Variants in ERCC6L2 observed in about 807,000 individuals in gnomAD.
ERCC6L2 encodes ERCC excision repair 6 like 2.
In ERCC6L2, 77 loss-of-function variants were observed where a neutral mutation model predicts 132.0. The observed-to-expected ratio is 0.58, with a 90% confidence interval of 0.49 to 0.71. The LOEUF is 0.71. Ranked by LOEUF, ERCC6L2 falls within the 30% of genes least tolerant of loss-of-function variation. The pLI is 0.00. For missense variants in ERCC6L2, 1,542 were observed against 1,837.6 expected, an observed-to-expected ratio of 0.84 and a Z score of 2.94; for synonymous variants, 583 against 632.4, an observed-to-expected ratio of 0.92 and a Z score of 1.17.
At chr9:96,033,004 T>C (rs1834479793) in intron 19 of ERCC6L2, among the ~76,000 whole-genome samples, 1 of 152,248 alleles carries the variant, frequency 6.6e-6, no homozygotes, top group Non-Finnish European at 1.5e-5. Context: ...TAGCAGCCTG[T>C]ACCAGTGGTA....
At chr9:95,942,894 G>T (rs1286012461) in intron 12 of ERCC6L2, among the ~76,000 whole-genome samples, 2 of 152,104 alleles carry the variant, frequency 1.3e-5, no homozygotes, top group Non-Finnish European at 2.9e-5. Flanking sequence ...GTGAGAAACA[G>T]GGAGAGAATG....
chr9:95,951,345 A>T (rs1045384409), intron 12 of ERCC6L2, among the ~76,000 whole-genome samples: 1 of 152,224 alleles, frequency 6.6e-6, no homozygotes, highest in Non-Finnish European at 1.5e-5. Flanking sequence ...GTAAATGCTT[A>T]CATTAAAAAA....
At chr9:95,980,679 G>GT (rs2133117905) in intron 17 of ERCC6L2, among the ~76,000 whole-genome samples, 1 of 152,190 alleles carries the variant, frequency 6.6e-6, no homozygotes, top group African/African-American at 2.4e-5. Context: ...TTACTCAGAG[G>GT]TTTTGCAGCT....
At chr9:96,030,379 C>G (rs912530963) in intron 19 of ERCC6L2, among the ~76,000 whole-genome samples, 1 of 152,116 alleles carries the variant, frequency 6.6e-6, no homozygotes, top group Non-Finnish European at 1.5e-5. Context: ...CACAATAAAT[C>G]TTGGTGTTGC....
chr9:95,994,838 C>G (rs1452116075), intron 17 of ERCC6L2, among the ~76,000 whole-genome samples: 1 of 152,174 alleles, frequency 6.6e-6, no homozygotes, highest in African/African-American at 2.4e-5. Context: ...TTTTTTGCCT[C>G]ATTTGTTACA....
intron 12 of ERCC6L2, among the ~76,000 whole-genome samples, chr9:95,944,168 A>G (rs1001121581): frequency 6.6e-6 from 1 of 152,252 alleles, no homozygotes; most frequent in African/African-American, 2.4e-5. Context: ...CAGTTTATAC[A>G]TAAAATGGAA....
intron 12 of ERCC6L2, among the ~76,000 whole-genome samples, chr9:95,954,401 G>C (rs1831496081): frequency 6.6e-6 from 1 of 152,230 alleles, no homozygotes; most frequent in Middle Eastern, 3.4e-3. Context: ...CAATAAAACT[G>C]AATAAATGGC....
intron 9 of ERCC6L2, among the ~76,000 whole-genome samples, chr9:95,927,034 TCA>T (rs1430800458): frequency 1.3e-5 from 2 of 152,114 alleles, no homozygotes; most frequent in African/African-American, 4.8e-5. Flanking sequence ...TCATATAGAA[TCA>T]GTTATTTTAT....
intron 19 of ERCC6L2, among the ~76,000 whole-genome samples, chr9:96,027,164 CCACACA>C (rs746621075): frequency 6.7e-6 from 1 of 148,698 alleles, no homozygotes; most frequent in Non-Finnish European, 1.5e-5. Flanking sequence ...ATGCACCACA[CCACACA>C]CACACACACC....
At position 96,014,017 on chromosome 9, in the gene ERCC6L2, T is replaced by A. The variant is rs921347600; in HGVS notation, c.*814T>A. On this transcript the variant is annotated 3_prime_UTR_variant, in exon 19 of 19. Coordinates refer to ENST00000653738, the MANE Select transcript of ERCC6L2 (RefSeq NM_020207.7). ...ATATTTTGAGTGTAATATTTATGGT[T>A]TATAGCAAAATGAATGTGCTTATTG... The A allele has an allele frequency of 2.0e-5, 3 of 152,236 alleles. No individual in the cohort carries two copies. Among genetic ancestry groups the A allele is most frequent in the Non-Finnish European group, 4.4e-5 (3 of 68,044 alleles). 9.4% of individuals were successfully genotyped at this position (152,236 alleles called of 1,614,324 possible). A position where few individuals can be genotyped will look rare whatever the true frequency, so the allele number is the denominator to read the frequency against.
intron 4 of ERCC6L2, among the ~76,000 whole-genome samples, chr9:95,908,650 C>A (rs1343236788): frequency 6.6e-6 from 1 of 152,068 alleles, no homozygotes; most frequent in Non-Finnish European, 1.5e-5. Context: ...TTGGTAAAAT[C>A]ATTAGTTTCC....
Position 95,877,622 on chromosome 9 carries a change from A to G in ERCC6L2, c.46+1538A>G, listed in dbSNP as rs143113046. 2.8e-4 allele frequency among the ~76,000 whole-genome samples: 42 copies of G among 151,826 alleles called. No individual in the cohort carries two copies. In the East Asian group the frequency reaches 7.6e-3, roughly 27 times the overall value. ...ATAGTTTGAGGCCAGCCTGGACAAC[A>G]TAAGCGAGACCCTGTCTCTACTAAA... On this transcript the variant is annotated intron_variant, in intron 1 of 18. Coordinates refer to ENST00000653738, the MANE Select transcript of ERCC6L2 (RefSeq NM_020207.7).
chr9:95,989,279 G>A (rs1384543701), intron 17 of ERCC6L2, among the ~76,000 whole-genome samples: 1 of 152,142 alleles, frequency 6.6e-6, no homozygotes, highest in Non-Finnish European at 1.5e-5. Context: ...AAAGTTGGGG[G>A]GTGGAGCTGA....
chr9:95,950,666 G>A (rs183518216), intron 12 of ERCC6L2, among the ~76,000 whole-genome samples: 148 of 152,218 alleles, frequency 9.7e-4, no homozygotes, highest in Non-Finnish European at 1.3e-4. Flanking sequence ...CATGCAAATA[G>A]TAACCAAAAG....
At chr9:95,913,138 A>G (rs1349672106) in intron 4 of ERCC6L2, among the ~76,000 whole-genome samples, 1 of 152,222 alleles carries the variant, frequency 6.6e-6, no homozygotes, top group Non-Finnish European at 1.5e-5. Context: ...ATATCCTGGT[A>G]TCCCTCAATC....
intron 12 of ERCC6L2, among the ~76,000 whole-genome samples, chr9:95,944,495 TA>T (rs1322999256): frequency 6.6e-6 from 1 of 152,172 alleles, no homozygotes; most frequent in East Asian, 1.9e-4. Context: ...ACTGTACTCT[TA>T]AAAATAGCTA....
chr9:95,982,370 A>G (rs1166448938), intron 17 of ERCC6L2, among the ~76,000 whole-genome samples: 2 of 152,134 alleles, frequency 1.3e-5, no homozygotes, highest in Non-Finnish European at 2.9e-5. Flanking sequence ...TCTGTGAGCT[A>G]CGGTGGGTTT....
At position 96,013,105 on chromosome 9, in the gene ERCC6L2, G is replaced by A. The variant is rs1834092184; in HGVS notation, c.4555G>A (p.Ala1519Thr). The A allele has an allele frequency of 7.3e-7, 1 of 1,367,448 alleles. No individual in the cohort carries two copies. The highest frequency in any genetic ancestry group is 1.1e-5 in the South Asian group (1 of 88,040). 84.7% of individuals were successfully genotyped at this position (1,367,448 alleles called of 1,614,324 possible). A position where few individuals can be genotyped will look rare whatever the true frequency, so the allele number is the denominator to read the frequency against. The change falls in exon 19 of 19, where the codon GCA (alanine) becomes ACA (threonine). Residue 1519 changes from alanine (A) to threonine (T), a missense_variant. Physicochemically the swap from Ala to Thr is moderately conservative, Grantham distance 58. Transcript: ENST00000653738. Reference protein sequence around the residue: ...AAPFKRREEPATSLWKSNEKF... With the variant: ...AAPFKRREEPTTSLWKSNEKF... ...ACCCTTTAAAAGGAGAGAAGAGCCA[G>A]CAACTTCTCTTTGGAAATCAAATGA...
At chr9:95,935,353 T>C (rs1220658659) in intron 11 of ERCC6L2, among the ~76,000 whole-genome samples, 2 of 152,182 alleles carry the variant, frequency 1.3e-5, no homozygotes, top group African/African-American at 4.8e-5. Context: ...TTAGGATATG[T>C]GGAGGCAACA....
Sources: allele counts gnomAD v4.1 joint callset (sites outside exome capture counted in the v4.1 genomes callset), GRCh38; gene constraint gnomAD v4.1.1; transcripts MANE v1.5; gene names NCBI Gene and HGNC (gene_info 2026-07-23, HGNC 2026-07-21).